The following PGAP4 variants were observed in gnomAD, a reference collection of about 807,000 sequenced individuals.
The protein encoded by PGAP4 is GPI-N-acetylgalactosamine transferase PGAP4.
PGAP4 carries 12 observed loss-of-function variants against 28.2 expected under a neutral mutation model. The ratio of observed to expected loss-of-function variants is 0.42; its 90% CI spans 0.27 to 0.69. PGAP4 has a LOEUF of 0.69. PGAP4 is among the 30% of genes least tolerant of loss of function. The probability of loss-of-function intolerance (pLI) is 0.22; values close to 1 mark genes in which losing one functional copy is unlikely to be tolerated. For missense variants in PGAP4, 425 were observed against 513.5 expected (o/e 0.83, Z 1.67); for synonymous variants, 205 against 211.8 (o/e 0.97, Z 0.28).
chr9:101,510,372 G>A (rs528286770), intron 2 of PGAP4, among the ~76,000 whole-genome samples: 14 of 149,508 alleles, frequency 9.4e-5, no homozygotes, highest in African/African-American at 1.7e-4. Flanking sequence ...GCTTCTGTTC[G>A]TTATGTTCAT....
intron 2 of PGAP4, among the ~76,000 whole-genome samples, chr9:101,504,995 A>C (rs1333142949): frequency 6.6e-6 from 1 of 152,122 alleles, no homozygotes; most frequent in African/African-American, 2.4e-5. Context: ...CAACCTCAAG[A>C]AAATGTCTAT....
intron 1 of PGAP4, among the ~76,000 whole-genome samples, chr9:101,478,484 G>T (rs749827035): frequency 6.6e-6 from 1 of 152,190 alleles, no homozygotes; most frequent in African/African-American, 2.4e-5. Flanking sequence ...GGCTGCTGTG[G>T]AGCAGACTCA....
upstream of PGAP4, among the ~76,000 whole-genome samples, chr9:101,490,152 T>G (rs1390846463): frequency 6.6e-6 from 1 of 152,178 alleles, no homozygotes; most frequent in Non-Finnish European, 1.5e-5. Context: ...CAAGGCTCTT[T>G]GTAAAGGCTC....
At chr9:101,525,728 G>C (rs1016026831) in intron 2 of PGAP4, among the ~76,000 whole-genome samples, 2 of 148,680 alleles carry the variant, frequency 1.3e-5, no homozygotes, top group African/African-American at 4.9e-5. Flanking sequence ...AAAAGAGAGA[G>C]AGAGAGAGAA....
chr9:101,519,632 T>C (rs1826970048), intron 2 of PGAP4, among the ~76,000 whole-genome samples: 1 of 150,280 alleles, frequency 6.7e-6, no homozygotes, highest in Non-Finnish European at 1.5e-5. Flanking sequence ...TATATATATG[T>C]ATATGTATGT....
intron 1 of PGAP4, among the ~76,000 whole-genome samples, chr9:101,479,397 G>T (rs1227674183): frequency 2.0e-5 from 3 of 152,180 alleles, no homozygotes; most frequent in Non-Finnish European, 4.4e-5. Context: ...CTAGAGGAGG[G>T]AACTAGAGAC....
At chr9:101,492,518 CA>C (rs1217023584) in intron 2 of PGAP4, among the ~76,000 whole-genome samples, 1 of 152,086 alleles carries the variant, frequency 6.6e-6, no homozygotes, top group Non-Finnish European at 1.5e-5. Context: ...TTTCTTTGCA[CA>C]TCTAATAAAT....
chr9:101,520,172 T>C (rs1276978409), intron 2 of PGAP4, among the ~76,000 whole-genome samples: 1 of 152,168 alleles, frequency 6.6e-6, no homozygotes, highest in African/African-American at 2.4e-5. Flanking sequence ...TCTTTTTACT[T>C]AGTCTTGCTT....
exon 1 of PGAP4, chr9:101,532,939 T>G (rs1043334557): frequency 6.6e-6 from 1 of 152,220 alleles, no homozygotes; most frequent in Admixed American, 6.5e-5. Context: ...ATAGCGATCA[T>G]TCTTCCATTT....
intron 2 of PGAP4, among the ~76,000 whole-genome samples, chr9:101,530,370 CATT>C (rs1284275394): frequency 6.6e-6 from 1 of 151,866 alleles, no homozygotes; most frequent in Non-Finnish European, 1.5e-5. Context: ...AACAAATACT[CATT>C]AAGTCATCAT....
rs113327667 is a variant in PGAP4, at chr9:101,526,741, G to A, written c.-165+4607C>T. Among the ~76,000 whole-genome samples, 818 of 152,284 alleles carry A rather than the reference G, an allele frequency of 5.4e-3. 8 individuals are homozygous for A. The highest frequency in any genetic ancestry group is 0.031 in the Middle Eastern group (9 of 294). On this transcript the variant is annotated intron_variant, in intron 2 of 3. Transcript: ENST00000374851. ...TGGAATTACAGGCATGAGCCACTGCGCCTGGCCCCAGTTACTTTCAAAACC... is the reference window on the plus strand; with the variant it reads ...TGGAATTACAGGCATGAGCCACTGCACCTGGCCCCAGTTACTTTCAAAACC...
intron 2 of PGAP4, among the ~76,000 whole-genome samples, chr9:101,526,829 A>G (rs1827039444): frequency 6.6e-6 from 1 of 152,212 alleles, no homozygotes; most frequent in African/African-American, 2.4e-5. Context: ...TGTAATTTCA[A>G]GGTTTAGTTC....
chr9:101,497,204 A>G (rs1053275415), intron 2 of PGAP4, among the ~76,000 whole-genome samples: 7 of 151,462 alleles, frequency 4.6e-5, no homozygotes, highest in African/African-American at 1.7e-4. Flanking sequence ...AAGTTCTATG[A>G]AAAGTTTATT....
At chr9:101,493,915 G>C (rs529338639) in intron 2 of PGAP4, among the ~76,000 whole-genome samples, 1 of 151,886 alleles carries the variant, frequency 6.6e-6, no homozygotes, top group Admixed American at 6.6e-5. Flanking sequence ...TCGGTCTATA[G>C]GTATATAACA....
At chr9:101,477,359 A>G (rs979257264) in intron 1 of PGAP4, among the ~76,000 whole-genome samples, 190 bp from the exon 2 acceptor site, 6 of 3,026 alleles carry the variant, frequency 2.0e-3, no homozygotes, top group African/African-American at 8.5e-3. Context: ...GTGTCTGCTA[A>G]CAACCTCTGG....
intron 2 of PGAP4, among the ~76,000 whole-genome samples, chr9:101,517,869 T>C (rs930683246): frequency 2.0e-5 from 3 of 152,196 alleles, no homozygotes; most frequent in African/African-American, 4.8e-5. Flanking sequence ...CTATTTTATG[T>C]ATTTATTTTA....
intron 2 of PGAP4, among the ~76,000 whole-genome samples, chr9:101,517,821 G>A (rs962681828): frequency 1.3e-5 from 2 of 152,072 alleles, no homozygotes; most frequent in African/African-American, 4.8e-5. Context: ...TCTTTTGTAA[G>A]GGTTTGGGTT....
intron 2 of PGAP4, among the ~76,000 whole-genome samples, chr9:101,523,528 A>G (rs1827005896): frequency 6.7e-6 from 1 of 148,408 alleles, no homozygotes; most frequent in African/African-American, 2.5e-5. Context: ...CACATTTCTA[A>G]AAATGTGTCC....
At chr9:101,495,072 AC>A (rs1826727305) in intron 2 of PGAP4, among the ~76,000 whole-genome samples, 1 of 140,022 alleles carries the variant, frequency 7.1e-6, no homozygotes, top group African/African-American at 2.6e-5. Flanking sequence ...AAGATTTACT[AC>A]CATTTATTAT....
Sources: gnomAD v4.1 joint callset for allele counts (sites outside exome capture counted in the v4.1 genomes callset) on GRCh38, gnomAD v4.1.1 for gene constraint, MANE v1.5 for transcripts, NCBI Gene and HGNC (gene_info 2026-07-23, HGNC 2026-07-21) for gene names.